ARFGEF1: variants seen among roughly 807,000 people sequenced by gnomAD.
ARFGEF1 encodes ARF guanine nucleotide exchange factor 1.
A neutral mutation model predicts 231.0 loss-of-function variants in ARFGEF1; 42 were observed. The observed-to-expected ratio is 0.18, with a 90% CI of 0.14 to 0.24. The LOEUF (loss-of-function observed/expected upper bound fraction) is 0.24, where lower values mean the gene tolerates loss of function less well. Ranked by LOEUF, ARFGEF1 falls within the 10% of genes least tolerant of loss-of-function variation. The pLI is 1.00. For missense variants in ARFGEF1, 1,345 were observed against 2,192.0 expected, an observed-to-expected ratio of 0.61 and a Z score of 7.72; for synonymous variants, 710 against 732.3, an observed-to-expected ratio of 0.97 and a Z score of 0.49.
chr8:67,265,858 A>AG (rs1292693396), intron 14 of ARFGEF1, 148 bp downstream of exon 14: 2 of 694,374 alleles, frequency 2.9e-6, no homozygotes, highest in Non-Finnish European at 2.4e-6. Flanking sequence ...GCAATGAACA[A>AG]GGGGGGCTGA....
chr8:67,194,879 G>GAAGT (rs1837492568), downstream of ARFGEF1, among the ~76,000 whole-genome samples: 1 of 152,100 alleles, frequency 6.6e-6, no homozygotes, highest in Non-Finnish European at 1.5e-5. Context: ...TTTAAGAATG[G>GAAGT]AAGTAATCTC....
At chr8:67,243,262 G>T (rs1283004146) in intron 19 of ARFGEF1, among the ~76,000 whole-genome samples, 1 of 152,182 alleles carries the variant, frequency 6.6e-6, no homozygotes, top group Admixed American at 6.5e-5. Context: ...TTCTCAAGCT[G>T]CTAATAAAGA....
At chr8:67,343,087 G>GGC in intron 1 of ARFGEF1, 77 bp downstream of exon 1, 9 of 971,350 alleles carry the variant, frequency 9.3e-6, no homozygotes, top group Non-Finnish European at 1.2e-5. Flanking sequence ...AGCCCCGGGC[G>GGC]ACCCCACCCC....
At chr8:67,179,345 CCT>C (rs1832462593) in intron 5 of ARFGEF1, among the ~76,000 whole-genome samples, 1 of 152,154 alleles carries the variant, frequency 6.6e-6, no homozygotes, top group African/African-American at 2.4e-5. Flanking sequence ...AGAGTATACC[CCT>C]CTCTCTCCCA....
chr8:67,260,228 G>C (rs1275260964), intron 14 of ARFGEF1, among the ~76,000 whole-genome samples: 1 of 152,122 alleles, frequency 6.6e-6, no homozygotes, highest in African/African-American at 2.4e-5. Context: ...TAGACTATGA[G>C]AGACTATTAG....
chr8:67,258,347 A>C, intron 15 of ARFGEF1, 57 bp from the exon 16 acceptor site: 1 of 1,213,180 alleles, frequency 8.2e-7, no homozygotes, highest in Non-Finnish European at 1.1e-6. Flanking sequence ...TTTTTTTGAG[A>C]CAGAGTCTTG....
chr8:67,300,843 CA>C (rs1416397895), intron 3 of ARFGEF1, among the ~76,000 whole-genome samples: 1 of 145,958 alleles, frequency 6.9e-6, no homozygotes. Context: ...GACTTCGTCT[CA>C]AAAAATTAAA....
intron 1 of ARFGEF1, among the ~76,000 whole-genome samples, chr8:67,327,880 A>T (rs1419174150): frequency 1.3e-5 from 2 of 152,184 alleles, no homozygotes; most frequent in Non-Finnish European, 2.9e-5. Flanking sequence ...TATTAACACA[A>T]CATCATTTAA....
intron 1 of ARFGEF1, among the ~76,000 whole-genome samples, chr8:67,305,798 A>T (rs527849878): frequency 3.0e-3 from 459 of 152,290 alleles, no homozygotes; most frequent in African/African-American, 9.2e-3. Flanking sequence ...ATATTCCAAG[A>T]CCTCAGCGGA....
At chr8:67,200,852 C>T (rs990901603) in intron 37 of ARFGEF1, among the ~76,000 whole-genome samples, 2 of 152,214 alleles carry the variant, frequency 1.3e-5, no homozygotes, top group Non-Finnish European at 2.9e-5. Context: ...CCTCTCTTCA[C>T]TGACCCTTGT....
In ARFGEF1 at chr8:67,251,365, G is replaced by A. The variant is rs35879592; in HGVS notation, c.2784C>T (p.Ala928=). ...MAKTAKALME[A]VSHVQAPFTS... The stretch of plus-strand genomic sequence containing the variant: ...TAAAGGGTGCCTGAACATGGCTCAC[G>A]GCCTCCATGAGTGCTTTAGCTGTCT... The change falls in exon 19 of 39, where the codon GCC becomes GCT. Residue 928 remains alanine (A), a synonymous_variant. Coordinates refer to ENST00000262215, the MANE Select transcript of ARFGEF1 (RefSeq NM_006421.5). 2.9e-3 allele frequency: 4,719 copies of A among 1,612,220 alleles called. 123 individuals are homozygous for A. The African/African-American group carries it at 0.056, about 19-fold the overall frequency.
chr8:67,265,258 A>G (rs1266902019), intron 14 of ARFGEF1, among the ~76,000 whole-genome samples: 1 of 152,194 alleles, frequency 6.6e-6, no homozygotes, highest in African/African-American at 2.4e-5. Flanking sequence ...ACACCTGAAC[A>G]TTCACTAAAA....
rs1381852518 is a variant in ARFGEF1 at position 67,175,587 on chromosome 8, A to G, written c.561-15T>C. 3 of 852,556 alleles carry G rather than the reference A, an allele frequency of 3.5e-6. No individual in the cohort carries two copies. In the Admixed American group the frequency reaches 6.0e-5, roughly 17 times the overall value. The allele number at this position is 852,556 out of a possible 1,614,324, so 52.8% of individuals were successfully genotyped here. A position where few individuals can be genotyped will look rare whatever the true frequency, so the allele number is the denominator to read the frequency against. On this transcript the variant is annotated splice_polypyrimidine_tract_variant and intron_variant, in intron 5 of 5. Coordinates refer to the ARFGEF1 transcript ENST00000518789. ...GTCCGTTTGGTCTGTAGTACCAGAA[A>G]AGAACAAGTATGAGAGAGAGCTCTG...
At chr8:67,294,084 C>T (rs745729068) in intron 5 of ARFGEF1, among the ~76,000 whole-genome samples, 4 of 151,060 alleles carry the variant, frequency 2.6e-5, no homozygotes, top group South Asian at 2.1e-4. Context: ...TTTTTTTGGT[C>T]GTTATTCCCT....
chr8:67,265,254 G>T (rs1033181995), intron 14 of ARFGEF1, among the ~76,000 whole-genome samples: 15 of 152,108 alleles, frequency 9.9e-5, no homozygotes, highest in African/African-American at 3.6e-4. Flanking sequence ...AAAGACACCT[G>T]AACATTCACT....
intron 9 of ARFGEF1, among the ~76,000 whole-genome samples, chr8:67,274,906 T>A (rs1805248284): frequency 6.6e-6 from 1 of 152,122 alleles, no homozygotes; most frequent in Non-Finnish European, 1.5e-5. Context: ...ATGAGATTTT[T>A]GAATGTTGAT....
Position 67,245,150 on chromosome 8 carries a change from G to A in ARFGEF1, c.2851-4860C>T, listed in dbSNP as rs1418786751. On this transcript the variant is annotated intron_variant, in intron 19 of 38. Coordinates refer to ENST00000262215, the MANE Select transcript of ARFGEF1 (RefSeq NM_006421.5). ...GTGAAACTATCCTTTAAACATGAAA[G>A]AGAAATAATTTCCCAGACAAATGAA... Among the ~76,000 whole-genome samples the A allele has an allele frequency of 2.7e-5, 4 of 150,436 alleles. 1 individual carries two copies. Among genetic ancestry groups the A allele is most frequent in the African/African-American group, 9.9e-5 (4 of 40,282 alleles).
In ARFGEF1 at chr8:67,267,754, T is replaced by C. The variant is rs574436643; in HGVS notation, c.1573-312A>G. Among the ~76,000 whole-genome samples the C allele has an allele frequency of 1.2e-4, 19 of 152,334 alleles. No individual in the cohort carries two copies. The South Asian group carries it at 3.7e-3, about 30-fold the overall frequency. On this transcript the variant is annotated intron_variant, in intron 10 of 38. Coordinates refer to ENST00000262215, the MANE Select transcript of ARFGEF1 (RefSeq NM_006421.5). ...ATTTCTTTAACATTTTTACAGAATATAACTTACGCTTTTTTAATCCCCCTC... is the reference window on the plus strand; with the variant it reads ...ATTTCTTTAACATTTTTACAGAATACAACTTACGCTTTTTTAATCCCCCTC...
chr8:67,200,359 T>C, intron 38 of ARFGEF1, 37 bp downstream of exon 38: 1 of 1,439,710 alleles, frequency 6.9e-7, no homozygotes, highest in Non-Finnish European at 9.8e-7. Flanking sequence ...CGAATTGGGC[T>C]AGAAATGTGG....
Sources: gnomAD v4.1 joint callset for allele counts (sites outside exome capture counted in the v4.1 genomes callset) on GRCh38, gnomAD v4.1.1 for gene constraint, MANE v1.5 for transcripts, NCBI Gene and HGNC (gene_info 2026-07-23, HGNC 2026-07-21) for gene names.